The following CRPPA variants were observed in gnomAD, a reference collection of about 807,000 sequenced individuals.
CRPPA encodes CDP-L-ribitol pyrophosphorylase A.
CRPPA carries 43 observed loss-of-function variants against 52.0 expected under a neutral mutation model. The observed-to-expected ratio is 0.83, with a 90% confidence interval of 0.65 to 1.07. The LOEUF (loss-of-function observed/expected upper bound fraction) is 1.07. Ranked by LOEUF, CRPPA falls within the 50% of genes least tolerant of loss-of-function variation. The pLI, the probability that CRPPA is intolerant of heterozygous loss-of-function variation, is 0.00. For missense variants in CRPPA, 629 were observed against 551.7 expected, an observed-to-expected ratio of 1.14 and a Z score of -1.40; for synonymous variants, 250 against 203.5, an observed-to-expected ratio of 1.23 and a Z score of -1.94.
Position 16,286,097 on chromosome 7 carries a change from A to AAAAAATATATATATATATAT in CRPPA, c.836-7872_836-7871insATATATATATATATATTTTT. Among the ~76,000 whole-genome samples, 12 of 39,116 alleles carry AAAAAATATATATATATATAT rather than the reference A, an allele frequency of 3.1e-4. 1 individual carries two copies. Among genetic ancestry groups the AAAAAATATATATATATATAT allele is most frequent in the Admixed American group, 3.3e-4 (1 of 3,052 alleles). The allele number at this position is 39,116 out of a possible 152,430, so 25.7% of individuals were successfully genotyped here. A position where few individuals can be genotyped will look rare whatever the true frequency, so the allele number is the denominator to read the frequency against. On this transcript the variant is annotated intron_variant, in intron 5 of 9. Transcript: ENST00000407010. The stretch of plus-strand genomic sequence containing the variant: ...TATATATATAATATTTAAAAAAAAA[A>AAAAAATATATATATATATAT]ATATATATATATATATATATGCCAA...
Position 16,119,032 on chromosome 7 carries a change from G to A in CRPPA, c.1252-27233C>T, listed in dbSNP as rs140561604. Reference sequence around the variant, plus strand: ...CCCCATTCACTCACTTGTTTTGCCCGGTCTCCGAAGGAGTCTTTCTTGGTG... The same window carrying A: ...CCCCATTCACTCACTTGTTTTGCCCAGTCTCCGAAGGAGTCTTTCTTGGTG... On this transcript the variant is annotated intron_variant, in intron 9 of 9. Transcript: ENST00000407010. 2.2e-4 allele frequency among the ~76,000 whole-genome samples: 33 copies of A among 152,134 alleles called. No individual in the cohort carries two copies. In the East Asian group the frequency reaches 5.8e-3, roughly 27 times the overall value.
At chr7:16,239,559 C>CAAAAAAAAGA (rs1783048570) in intron 8 of CRPPA, among the ~76,000 whole-genome samples, 1 of 47,632 alleles carries the variant, frequency 2.1e-5, no homozygotes, top group Non-Finnish European at 3.9e-5. Flanking sequence ...AAGTCAATAG[C>CAAAAAAAAGA]AAAAAAAAAA....
intron 9 of CRPPA, among the ~76,000 whole-genome samples, chr7:16,173,597 A>C (rs1241401943): frequency 3.3e-5 from 5 of 152,316 alleles, no homozygotes; most frequent in South Asian, 4.1e-4. Flanking sequence ...GCCCAATAAA[A>C]CAGCAATTTA....
At chr7:16,417,296 T>C (rs753374302) in intron 1 of CRPPA, among the ~76,000 whole-genome samples, 2 of 152,224 alleles carry the variant, frequency 1.3e-5, no homozygotes, top group African/African-American at 4.8e-5. Flanking sequence ...TTAGTGGGTA[T>C]ATATCCAAAA....
intron 3 of CRPPA, among the ~76,000 whole-genome samples, chr7:16,336,262 A>T (rs1423598797): frequency 2.6e-5 from 4 of 152,198 alleles, no homozygotes; most frequent in Non-Finnish European, 5.9e-5. Flanking sequence ...CTTTTAAAAG[A>T]GTTAAAAGAC....
At chr7:16,216,010 C>A in intron 9 of CRPPA, 56 bp downstream of exon 9, 3 of 1,340,842 alleles carry the variant, frequency 2.2e-6, no homozygotes, top group South Asian at 1.4e-5. Flanking sequence ...AATCAGATAC[C>A]TACCATTAAA....
At chr7:16,181,472 C>T (rs1781410903) in intron 9 of CRPPA, among the ~76,000 whole-genome samples, 1 of 151,886 alleles carries the variant, frequency 6.6e-6, no homozygotes, top group Non-Finnish European at 1.5e-5. Flanking sequence ...AATTTTGTTA[C>T]TCTTTACGTG....
chr7:16,378,111 A>G (rs1786949485), intron 2 of CRPPA, among the ~76,000 whole-genome samples: 2 of 151,700 alleles, frequency 1.3e-5, no homozygotes, highest in South Asian at 4.2e-4. Flanking sequence ...AATTTTTTTA[A>G]ATTTTATTAT....
chr7:16,299,069 T>C (rs547054078), intron 5 of CRPPA, among the ~76,000 whole-genome samples: 1 of 152,358 alleles, frequency 6.6e-6, no homozygotes, highest in East Asian at 1.9e-4. Context: ...GCATCTTATC[T>C]ATATCTCTGT....
rs1340750854 is a variant in CRPPA at position 16,421,137 on chromosome 7, G to A, written c.186C>T (p.Val62=). 1.5e-6 allele frequency: 2 copies of A among 1,329,478 alleles called. No individual in the cohort carries two copies. The highest frequency in any genetic ancestry group is 1.5e-5 in the African/African-American group (1 of 65,160). 82.4% of individuals were successfully genotyped at this position (1,329,478 alleles called of 1,614,324 possible). A position where few individuals can be genotyped will look rare whatever the true frequency, so the allele number is the denominator to read the frequency against. Residue 62 remains valine, a synonymous_variant, in exon 1 of 10, where the codon GTC becomes GTT. Coordinates refer to ENST00000407010, the MANE Select transcript of CRPPA (RefSeq NM_001101426.4). The part of the protein sequence containing the change: ...PAGGCGERMG[V]PTPKQFCPIL... ...TGGGGCAGAATTGCTTCGGGGTGGG[G>A]ACCCCCATCCTCTCCCCGCACCCCC...
At chr7:16,123,568 A>G (rs1393463537) in intron 9 of CRPPA, among the ~76,000 whole-genome samples, 1 of 152,196 alleles carries the variant, frequency 6.6e-6, no homozygotes, top group Non-Finnish European at 1.5e-5. Flanking sequence ...GGGACCACCC[A>G]ACATGCTAGG....
At chr7:16,126,338 G>C (rs1396223147) in intron 9 of CRPPA, among the ~76,000 whole-genome samples, 1 of 152,070 alleles carries the variant, frequency 6.6e-6, no homozygotes, top group Non-Finnish European at 1.5e-5. Context: ...AAGGAAAAAG[G>C]ATTCCCATAT....
At chr7:16,322,274 G>C (rs1288679565) in intron 3 of CRPPA, among the ~76,000 whole-genome samples, 1 of 152,148 alleles carries the variant, frequency 6.6e-6, no homozygotes, top group African/African-American at 2.4e-5. Context: ...AACTTTGGAA[G>C]GGCCTGTGAT....
intron 9 of CRPPA, among the ~76,000 whole-genome samples, chr7:16,194,848 GT>G (rs11393399): frequency 0.013 from 1,885 of 147,562 alleles, 45 homozygotes; most frequent in African/African-American, 0.045. Flanking sequence ...TGGTCTTTTG[GT>G]TTTTTTTTTT....
In CRPPA at chr7:16,259,026, A is replaced by T. The variant is rs773174159; in HGVS notation, c.934-14T>A. ...GACTTTTACATGCTAGTAGGAAAAAACAGAAATGAATTCACAAATTAGATA... is the reference window on the plus strand; with the variant it reads ...GACTTTTACATGCTAGTAGGAAAAATCAGAAATGAATTCACAAATTAGATA... On this transcript the variant is annotated splice_polypyrimidine_tract_variant and intron_variant, in intron 6 of 9. Coordinates refer to ENST00000407010, the MANE Select transcript of CRPPA (RefSeq NM_001101426.4). The T allele has an allele frequency of 8.3e-6, 13 of 1,574,522 alleles. No homozygotes were observed. Among genetic ancestry groups the T allele is most frequent in the African/African-American group, 2.7e-5 (2 of 73,912 alleles).
chr7:16,399,727 A>G (rs973561271), intron 2 of CRPPA, among the ~76,000 whole-genome samples: 3 of 147,550 alleles, frequency 2.0e-5, no homozygotes, highest in Non-Finnish European at 3.0e-5. Context: ...CATGACTGAC[A>G]TATGATTGAC....
chr7:16,280,104 A>G (rs1057070038), intron 5 of CRPPA, among the ~76,000 whole-genome samples: 1 of 152,208 alleles, frequency 6.6e-6, no homozygotes, highest in East Asian at 1.9e-4. Flanking sequence ...ACCTGCCCCC[A>G]TGATTCAATT....
At chr7:16,310,768 G>A (rs978260230) in intron 3 of CRPPA, among the ~76,000 whole-genome samples, 4 of 152,104 alleles carry the variant, frequency 2.6e-5, no homozygotes, top group African/African-American at 7.2e-5. Flanking sequence ...AAGCTAAGGG[G>A]TGAAAGTATG....
intron 9 of CRPPA, among the ~76,000 whole-genome samples, chr7:16,153,800 C>A (rs1783122351): frequency 6.6e-6 from 1 of 151,884 alleles, no homozygotes; most frequent in East Asian, 1.9e-4. Context: ...CTAAACTGTT[C>A]ACTTTTTTTT....
Sources: gnomAD v4.1 joint callset for allele counts (sites outside exome capture counted in the v4.1 genomes callset) on GRCh38, gnomAD v4.1.1 for gene constraint, MANE v1.5 for transcripts, NCBI Gene and HGNC (gene_info 2026-07-23, HGNC 2026-07-21) for gene names.